The following NSMCE2 variants were observed in gnomAD, a reference collection of about 807,000 sequenced individuals.
NSMCE2 encodes the protein NSE2 SUMO ligase component of SMC5/6 complex, also known as E3 SUMO-protein ligase NSE2.
Under a neutral mutation model 23.8 loss-of-function variants are expected in NSMCE2, and 24 were observed. That is an observed-to-expected ratio of 1.01 (90% CI 0.73 to 1.42). The LOEUF is 1.42. Ranked by LOEUF, NSMCE2 falls within the 40% of genes most tolerant of loss-of-function variation. NSMCE2 has a pLI of 0.00. For missense variants in NSMCE2, 284 were observed against 296.5 expected, an observed-to-expected ratio of 0.96 and a Z score of 0.31; for synonymous variants, 92 against 94.1, an observed-to-expected ratio of 0.98 and a Z score of 0.13.
intron 1 of NSMCE2, among the ~76,000 whole-genome samples, chr8:125,099,076 G>A (rs1017860019): frequency 2.0e-5 from 3 of 152,124 alleles, no homozygotes; most frequent in Admixed American, 6.5e-5. Context: ...TGTGCCATGC[G>A]TTGTTTTAGG....
At chr8:125,286,037 G>A (rs1827881052) in intron 5 of NSMCE2, among the ~76,000 whole-genome samples, 1 of 151,518 alleles carries the variant, frequency 6.6e-6, no homozygotes, top group South Asian at 2.1e-4. Flanking sequence ...CAGTCCACTA[G>A]CAGCACTTGT....
chr8:125,298,080 G>A (rs1828398928), intron 5 of NSMCE2, among the ~76,000 whole-genome samples: 1 of 152,066 alleles, frequency 6.6e-6, no homozygotes, highest in Admixed American at 6.6e-5. Flanking sequence ...GGCCAACATG[G>A]TGAAACCCCG....
intron 3 of NSMCE2, among the ~76,000 whole-genome samples, chr8:125,128,260 G>T (rs1441100666): frequency 6.6e-6 from 1 of 152,098 alleles, no homozygotes; most frequent in Non-Finnish European, 1.5e-5. Flanking sequence ...GTGGGAAATG[G>T]CTTCCTAGGA....
chr8:125,278,151 G>A (rs1433298119), intron 5 of NSMCE2, among the ~76,000 whole-genome samples: 1 of 152,172 alleles, frequency 6.6e-6, no homozygotes, highest in Non-Finnish European at 1.5e-5. Context: ...GTTGTGGAAG[G>A]AAGGAAGCAT....
chr8:125,366,632 G>A (rs1377371585), intron 7 of NSMCE2, 136 bp from the exon 8 acceptor site: 4 of 650,464 alleles, frequency 6.1e-6, no homozygotes, highest in East Asian at 2.6e-5. Context: ...GTGAATAAAT[G>A]AATGAGCACA....
chr8:125,184,712 C>G (rs574610001), intron 5 of NSMCE2, among the ~76,000 whole-genome samples: 1 of 151,950 alleles, frequency 6.6e-6, no homozygotes, highest in African/African-American at 2.4e-5. Flanking sequence ...CAAGTTGATA[C>G]AAGTATAAAC....
intron 5 of NSMCE2, among the ~76,000 whole-genome samples, chr8:125,198,011 C>T (rs202114090): frequency 1.1e-4 from 16 of 151,974 alleles, no homozygotes; most frequent in African/African-American, 3.4e-4. Flanking sequence ...TGTATAGGAA[C>T]GCTTGTGATT....
chr8:125,155,912 A>G (rs1821280592), intron 4 of NSMCE2: 3 of 442,520 alleles, frequency 6.8e-6, no homozygotes, highest in Non-Finnish European at 1.4e-5. Context: ...AAATGATGGG[A>G]ATGTAGCTAA....
intron 3 of NSMCE2, among the ~76,000 whole-genome samples, chr8:125,107,427 C>T (rs1470221234): frequency 2.0e-5 from 3 of 151,974 alleles, no homozygotes; most frequent in Non-Finnish European, 1.5e-5. Flanking sequence ...CTCCTGACCT[C>T]GTGATCCACC....
chr8:125,183,634 GGTGTGT>G (rs59285361), intron 5 of NSMCE2, among the ~76,000 whole-genome samples: 1 of 147,500 alleles, frequency 6.8e-6, no homozygotes, highest in Non-Finnish European at 1.5e-5. Context: ...ATTACTCAGT[GGTGTGT>G]GTGTGTGTGT....
At chr8:125,276,406 A>G (rs552296003) in intron 5 of NSMCE2, among the ~76,000 whole-genome samples, 1 of 152,262 alleles carries the variant, frequency 6.6e-6, no homozygotes, top group Non-Finnish European at 1.5e-5. Context: ...ACTCCAGACT[A>G]ACTGGAGGAC....
intron 5 of NSMCE2, among the ~76,000 whole-genome samples, chr8:125,299,841 CAG>C (rs913068322): frequency 2.3e-5 from 2 of 88,736 alleles, no homozygotes; most frequent in Non-Finnish European, 3.9e-5. Flanking sequence ...TGTCTTGAGA[CAG>C]AGTCTCACTC....
chr8:125,133,575 A>T (rs1239895110), intron 3 of NSMCE2, among the ~76,000 whole-genome samples: 1 of 152,034 alleles, frequency 6.6e-6, no homozygotes, highest in African/African-American at 2.4e-5. Flanking sequence ...CCCCATCTCT[A>T]CTAAAAATAC....
At chr8:125,287,669 G>C (rs1350986748) in intron 5 of NSMCE2, among the ~76,000 whole-genome samples, 1 of 152,190 alleles carries the variant, frequency 6.6e-6, no homozygotes, top group East Asian at 1.9e-4. Context: ...AGAGGAGAGA[G>C]AGATTGTCCC....
chr8:125,161,791 C>A (rs373525816), intron 4 of NSMCE2, among the ~76,000 whole-genome samples: 408 of 120,408 alleles, frequency 3.4e-3, no homozygotes, highest in Middle Eastern at 4.3e-3. Context: ...GACAATGTCT[C>A]AAAAAAAAAA....
chr8:125,324,517 C>A (rs1452564450), intron 5 of NSMCE2, among the ~76,000 whole-genome samples: 11 of 56,102 alleles, frequency 2.0e-4, no homozygotes, highest in African/African-American at 5.2e-4. Flanking sequence ...AGGTGCCAGA[C>A]CAAAAAAAAA....
In NSMCE2 at chr8:125,125,185, T is replaced by C. The variant is rs75098398; in HGVS notation, c.157+22698T>C. 4.8e-3 allele frequency among the ~76,000 whole-genome samples: 731 copies of C among 152,282 alleles called. 4 individuals are homozygous for C. The highest frequency in any genetic ancestry group is 7.6e-3 in the Non-Finnish European group (516 of 68,024). On this transcript the variant is annotated intron_variant, in intron 3 of 7. Coordinates refer to ENST00000287437, the MANE Select transcript of NSMCE2 (RefSeq NM_173685.4). ...CCCTTTATTTCTTTTTCTTGCCTAATTGTCCTCGATAGAACCTGCAGTACA... is the reference window on the plus strand; with the variant it reads ...CCCTTTATTTCTTTTTCTTGCCTAACTGTCCTCGATAGAACCTGCAGTACA...
chr8:125,208,621 TAGG>T (rs1183657580), intron 5 of NSMCE2, among the ~76,000 whole-genome samples: 3 of 152,142 alleles, frequency 2.0e-5, no homozygotes, highest in East Asian at 1.9e-4. Context: ...AGAAAAAGAA[TAGG>T]AGGAGACAAA....
At chr8:125,115,117 T>A (rs191737126) in intron 3 of NSMCE2, among the ~76,000 whole-genome samples, 274 of 152,322 alleles carry the variant, frequency 1.8e-3, no homozygotes, top group African/African-American at 6.5e-3. Flanking sequence ...CTTTAAATGC[T>A]TTTTGAGTGA....
Sources: gnomAD v4.1 joint callset for allele counts (sites outside exome capture counted in the v4.1 genomes callset) on GRCh38, gnomAD v4.1.1 for gene constraint, MANE v1.5 for transcripts, NCBI Gene and HGNC (gene_info 2026-07-23, HGNC 2026-07-21) for gene names.